The following BTBD8 variants were observed in gnomAD, a reference collection of about 807,000 sequenced individuals.
The protein encoded by BTBD8 is BTB/POZ domain-containing protein 8.
BTBD8 carries 110 observed loss-of-function variants against 162.9 expected under a neutral mutation model. The ratio of observed to expected loss-of-function variants is 0.68; its 90% CI spans 0.58 to 0.79. The LOEUF (loss-of-function observed/expected upper bound fraction) is 0.79. Among genes scored for constraint, BTBD8 ranks in the 30% least tolerant of loss-of-function variants. The pLI is 0.00. For missense variants in BTBD8, 1,905 were observed against 2,085.4 expected, an observed-to-expected ratio of 0.91 and a Z score of 1.68; for synonymous variants, 667 against 716.1, an observed-to-expected ratio of 0.93 and a Z score of 1.10.
intron 2 of BTBD8, among the ~76,000 whole-genome samples, chr1:92,098,393 T>A (rs1263641040): frequency 2.6e-5 from 4 of 152,202 alleles, no homozygotes; most frequent in Non-Finnish European, 5.9e-5. Flanking sequence ...AACATTTATA[T>A]ATAAATTTTT....
intron 9 of BTBD8, among the ~76,000 whole-genome samples, chr1:92,151,169 A>AT (rs1286699608): frequency 3.9e-5 from 6 of 152,080 alleles, no homozygotes; most frequent in Non-Finnish European, 8.8e-5. Flanking sequence ...CTTGGTCAAC[A>AT]TGGTGAAACC....
At chr1:92,179,655 C>T (rs551177896) in intron 16 of BTBD8, among the ~76,000 whole-genome samples, 143 of 152,248 alleles carry the variant, frequency 9.4e-4, no homozygotes, top group African/African-American at 3.2e-3. Flanking sequence ...CCAGTATAAA[C>T]AAATGGATTC....
At chr1:92,100,986 T>G (rs1272277690) in intron 2 of BTBD8, among the ~76,000 whole-genome samples, 1 of 152,120 alleles carries the variant, frequency 6.6e-6, no homozygotes, top group Non-Finnish European at 1.5e-5. Context: ...ATTAATAAGT[T>G]CTTTAGTGGT....
chr1:92,129,919 C>T (rs546496836), intron 5 of BTBD8, 143 bp downstream of exon 5: 32 of 732,880 alleles, frequency 4.4e-5, no homozygotes, highest in African/African-American at 2.6e-4. Context: ...TTTTCTGAAA[C>T]GGGAAGTAAT....
intron 6 of BTBD8, chr1:92,139,930 TACAAAAAAAAAAA>T (rs1649728548): frequency 3.7e-4 from 1 of 2,732 alleles, no homozygotes; most frequent in Admixed American, 3.8e-3. Context: ...CTACTAAAAA[TACAAAAAAAAAAA>T]AAAAAAAAAA....
chr1:92,109,143 G>A (rs980472121), intron 4 of BTBD8, among the ~76,000 whole-genome samples: 1 of 151,798 alleles, frequency 6.6e-6, no homozygotes, highest in African/African-American at 2.4e-5. Context: ...TGCATTAAAG[G>A]TTGCAAAATT....
chr1:92,151,012 CTG>C (rs1206843870), intron 9 of BTBD8: 1 of 152,012 alleles, frequency 6.6e-6, no homozygotes, highest in Non-Finnish European at 1.5e-5. Flanking sequence ...CAAAATCTAA[CTG>C]AGAAAATAAG....
intron 9 of BTBD8, among the ~76,000 whole-genome samples, chr1:92,151,417 T>C (rs1209004142): frequency 6.6e-6 from 1 of 152,164 alleles, no homozygotes. Flanking sequence ...TGTTGTATTG[T>C]TGCTTACTGT....
At chr1:92,159,216 A>T (rs1244449342) in intron 9 of BTBD8, among the ~76,000 whole-genome samples, 2 of 145,126 alleles carry the variant, frequency 1.4e-5, no homozygotes, top group African/African-American at 5.1e-5. Context: ...TCTGTCGCCT[A>T]GGCTGGAGTG....
chr1:92,143,009 T>C (rs886498067), intron 7 of BTBD8, among the ~76,000 whole-genome samples: 9 of 152,116 alleles, frequency 5.9e-5, no homozygotes, highest in African/African-American at 1.2e-4. Flanking sequence ...TAGTCAGCAA[T>C]GGGGAGGGAA....
chr1:92,103,480 A>G (rs975059327), intron 3 of BTBD8, among the ~76,000 whole-genome samples: 8 of 152,208 alleles, frequency 5.3e-5, no homozygotes, highest in African/African-American at 1.7e-4. Flanking sequence ...CAGAGAACAG[A>G]ACATTTATCA....
intron 9 of BTBD8, among the ~76,000 whole-genome samples, chr1:92,165,334 T>C (rs1650361396): frequency 1.3e-5 from 2 of 152,122 alleles, no homozygotes; most frequent in African/African-American, 4.8e-5. Context: ...TTTACACTCA[T>C]TGAACATACA....
chr1:92,181,380 G>C lies in BTBD8; in HGVS notation c.3697G>C (p.Gly1233Arg), dbSNP rs1487187324. The change falls in exon 17 of 18, where the codon GGT (glycine) becomes CGT (arginine). Residue 1233 changes from glycine (G) to arginine (R), a missense_variant. Gly to Arg is a moderately radical substitution (Grantham distance 125, BLOSUM62 -2). Coordinates refer to ENST00000636805, the MANE Select transcript of BTBD8 (RefSeq NM_001376131.1). Reference sequence around the variant, plus strand: ...TGAAACTCCAGAAACTCCATTTGTGGGTCACTGGAATTTGAGTACTGGTGT... The same window carrying C: ...TGAAACTCCAGAAACTCCATTTGTGCGTCACTGGAATTTGAGTACTGGTGT... ...SHETPETPFV[G>R]HWNLSTGVLH... The C allele has an allele frequency of 3.9e-6, 6 of 1,551,616 alleles. No individual in the cohort carries two copies. The highest frequency in any genetic ancestry group is 1.4e-5 in the African/African-American group (1 of 73,140).
intron 13 of BTBD8, among the ~76,000 whole-genome samples, chr1:92,174,802 G>T (rs1378301108): frequency 6.6e-6 from 1 of 152,104 alleles, no homozygotes; most frequent in Non-Finnish European, 1.5e-5. Flanking sequence ...GTCCCAGGCT[G>T]GTTAGAAGCA....
At chr1:92,133,894 C>T (rs1649569667) in intron 5 of BTBD8, among the ~76,000 whole-genome samples, 1 of 151,634 alleles carries the variant, frequency 6.6e-6, no homozygotes, top group African/African-American at 2.4e-5. Flanking sequence ...GGCGTGAACC[C>T]AGGAGGCGGA....
At chr1:92,081,895 C>A (rs1648028811) in intron 1 of BTBD8, among the ~76,000 whole-genome samples, 1 of 152,108 alleles carries the variant, frequency 6.6e-6, no homozygotes. Flanking sequence ...TTTTGAAGTG[C>A]TTTCTGTCAA....
rs1355012271 is a variant in BTBD8 at position 92,080,562 on chromosome 1, T to C, written c.-10T>C. ...TACTGGGCCTCCAGGGCGTCGTACC[T>C]CTGTGAGACATGGCTCGCTGTGGGG... On this transcript the variant is annotated 5_prime_UTR_variant, in exon 1 of 18. Transcript: ENST00000636805. 1 of 1,613,496 alleles carries C rather than the reference T, an allele frequency of 6.2e-7. No individual in the cohort carries two copies. The highest frequency in any genetic ancestry group is 1.1e-5 in the South Asian group (1 of 91,060).
chr1:92,184,192 T>C lies in BTBD8; in HGVS notation c.5241T>C (p.His1747=). The change falls in exon 18 of 18, where the codon CAT becomes CAC. Residue 1747 remains histidine, a synonymous_variant. Transcript: ENST00000636805. ...GCTCAAAACCTCAGGGTATAACACA[T>C]ATTGACACTTTGAACAGATGGAGTG... ...RDSSKPQGIT[H]IDTLNRWSEL... 2 of 1,551,566 alleles carry C rather than the reference T, an allele frequency of 1.3e-6. No individual in the cohort carries two copies. Among genetic ancestry groups the C allele is most frequent in the Non-Finnish European group, 1.7e-6 (2 of 1,146,846 alleles).
At chr1:92,164,932 G>A (rs1170701314) in intron 9 of BTBD8, among the ~76,000 whole-genome samples, 5 of 151,802 alleles carry the variant, frequency 3.3e-5, no homozygotes, top group East Asian at 1.9e-4. Context: ...GATTACAGGT[G>A]TGAGCCACCT....
Sources: gnomAD v4.1 joint callset for allele counts (sites outside exome capture counted in the v4.1 genomes callset) on GRCh38, gnomAD v4.1.1 for gene constraint, MANE v1.5 for transcripts, NCBI Gene and HGNC (gene_info 2026-07-23, HGNC 2026-07-21) for gene names.